The following SAMSN1 variants were observed in gnomAD, a reference collection of about 807,000 sequenced individuals.
SAMSN1 encodes SAM domain-containing protein SAMSN-1.
In SAMSN1, 31 loss-of-function variants were observed where a neutral mutation model predicts 42.0. That is an observed-to-expected ratio of 0.74 (90% CI 0.55 to 1.00). The LOEUF is 1.00. SAMSN1 is among the 50% of genes least tolerant of loss of function. The pLI, the probability that SAMSN1 is intolerant of heterozygous loss-of-function variation, is 0.00. For synonymous variants in SAMSN1, 178 were observed against 151.9 expected (o/e 1.17, Z -1.26); for missense variants, 464 against 439.4 (o/e 1.06, Z -0.50).
chr21:14,485,743 T>C lies in SAMSN1; in HGVS notation c.*169A>G, dbSNP rs753423170. ...AAATATATATTTTATTGACAGTAAT[T>C]TGGAATGTTAGAGATACAAAATTTT... On this transcript the variant is annotated 3_prime_UTR_variant, in exon 8 of 8. Transcript: ENST00000400566. 1.1e-5 allele frequency: 6 copies of C among 536,036 alleles called. No individual in the cohort carries two copies. Among genetic ancestry groups the C allele is most frequent in the Non-Finnish European group, 1.6e-5 (5 of 303,872 alleles). The allele number at this position is 536,036 out of a possible 1,614,324, so 33.2% of individuals were successfully genotyped here. A position where few individuals can be genotyped will look rare whatever the true frequency, so the allele number is the denominator to read the frequency against.
chr21:14,487,527 C>A (rs1807857358), intron 7 of SAMSN1, among the ~76,000 whole-genome samples: 1 of 151,970 alleles, frequency 6.6e-6, no homozygotes, highest in African/African-American at 2.4e-5. Context: ...TAGAATGGTA[C>A]TAGTTAAGCA....
rs373496389 is a variant in SAMSN1, at chr21:14,512,519, C to T, written c.334G>A (p.Gly112Arg). Residue 112 changes from glycine to arginine, a missense_variant, in exon 4 of 8, where the codon GGG (glycine) becomes AGG (arginine). By Grantham distance (125) the Gly-to-Arg change is moderately radical (BLOSUM62 -2). Transcript: ENST00000400566. ...AGGGACACCTTCTCTGTGTGGGTCC[C>T]AATCACAGGGTCACTGTTTCTATAT... ...HPYRNSDPVIGTHTEKVSLKA... is the reference protein window; with the variant it reads ...HPYRNSDPVIRTHTEKVSLKA... 12 of 1,613,806 alleles carry T rather than the reference C, an allele frequency of 7.4e-6. No individual in the cohort carries two copies. The highest frequency in any genetic ancestry group is 8.5e-6 in the Non-Finnish European group (10 of 1,179,832).
intron 2 of SAMSN1, among the ~76,000 whole-genome samples, chr21:14,629,723 T>G (rs1350655197): frequency 6.6e-6 from 1 of 152,158 alleles, no homozygotes; most frequent in Non-Finnish European, 1.5e-5. Context: ...TTGCACGAAC[T>G]TTGCCATTTG....
At position 14,577,236 on chromosome 21, in the gene SAMSN1, G is replaced by GTATA. The variant is rs1472311400; in HGVS notation, c.261+4899_261+4900insTATA. ...ATGGTGGGCTAATTTATATATATGT[G>GTATA]TGTATATATATATATATATATATAT... On this transcript the variant is annotated intron_variant, in intron 2 of 8. Transcript: ENST00000285670. Among the ~76,000 whole-genome samples, 221 of 30,842 alleles carry GTATA rather than the reference G, an allele frequency of 7.2e-3. 11 individuals carry two copies. Among genetic ancestry groups the GTATA allele is most frequent in the East Asian group, 0.029 (23 of 782 alleles). The allele number at this position is 30,842 out of a possible 152,430, so 20.2% of individuals were successfully genotyped here. A position where few individuals can be genotyped will look rare whatever the true frequency, so the allele number is the denominator to read the frequency against.
intron 2 of SAMSN1, among the ~76,000 whole-genome samples, chr21:14,635,224 A>C (rs1259016992): frequency 6.6e-6 from 1 of 152,180 alleles, no homozygotes; most frequent in Non-Finnish European, 1.5e-5. Flanking sequence ...ACAAACACCT[A>C]ATGTATGCGG....
intron 2 of SAMSN1, among the ~76,000 whole-genome samples, chr21:14,563,938 G>A (rs1281228626): frequency 6.6e-6 from 1 of 152,112 alleles, no homozygotes; most frequent in African/African-American, 2.4e-5. Context: ...TAGCAAAAGT[G>A]AACCAAAAAT....
At chr21:14,530,781 G>A (rs1177440299) in intron 1 of SAMSN1, among the ~76,000 whole-genome samples, 1 of 152,088 alleles carries the variant, frequency 6.6e-6, no homozygotes, top group Non-Finnish European at 1.5e-5. Context: ...GAAGAAGAGA[G>A]GAACTGCATT....
At chr21:14,528,633 C>G (rs551111112) in intron 1 of SAMSN1, among the ~76,000 whole-genome samples, 2 of 152,282 alleles carry the variant, frequency 1.3e-5, no homozygotes, top group South Asian at 4.1e-4. Flanking sequence ...TGCACATTCT[C>G]CCAGCCTGTA....
intron 1 of SAMSN1, among the ~76,000 whole-genome samples, chr21:14,658,439 A>G (rs948415660): frequency 3.3e-5 from 5 of 151,962 alleles, no homozygotes; most frequent in Non-Finnish European, 5.9e-5. Flanking sequence ...ATTTTGTCTC[A>G]TAACAAATAG....
At chr21:14,591,862 C>A (rs148478622) in intron 7 of SAMSN1, 2 of 152,146 alleles carry the variant, frequency 1.3e-5, no homozygotes, top group African/African-American at 4.8e-5. Flanking sequence ...TTTGGAATAA[C>A]ATGCCCTCTG....
intron 7 of SAMSN1, among the ~76,000 whole-genome samples, chr21:14,488,067 C>T (rs1986516602): frequency 6.6e-6 from 1 of 151,936 alleles, no homozygotes; most frequent in African/African-American, 2.4e-5. Flanking sequence ...TCTATCCTGC[C>T]TTGGCTTTTC....
chr21:14,506,270 A>C (rs1233538228), intron 5 of SAMSN1, among the ~76,000 whole-genome samples: 2 of 152,216 alleles, frequency 1.3e-5, no homozygotes, highest in Non-Finnish European at 2.9e-5. Context: ...TGAAAGATAA[A>C]TGAAACAAAA....
chr21:14,534,664 C>T (rs563546134), intron 1 of SAMSN1, among the ~76,000 whole-genome samples: 5 of 151,992 alleles, frequency 3.3e-5, no homozygotes, highest in Admixed American at 2.0e-4. Context: ...TACAGGTGCC[C>T]GCCACCAGAA....
At chr21:14,645,010 G>A (rs927769508) in intron 1 of SAMSN1, among the ~76,000 whole-genome samples, 9 of 152,140 alleles carry the variant, frequency 5.9e-5, no homozygotes, top group African/African-American at 2.2e-4. Flanking sequence ...ATAACACCAG[G>A]TAGACTTCTA....
intron 2 of SAMSN1, among the ~76,000 whole-genome samples, chr21:14,563,865 G>A (rs1226830756): frequency 1.3e-5 from 2 of 152,196 alleles, no homozygotes; most frequent in Admixed American, 6.6e-5. Flanking sequence ...GTCAGCATAA[G>A]TAGTGGTAGA....
At chr21:14,519,152 C>G in intron 2 of SAMSN1, among the ~76,000 whole-genome samples, 1 of 151,982 alleles carries the variant, frequency 6.6e-6, no homozygotes, top group East Asian at 1.9e-4. Context: ...TTTGTCTTCC[C>G]CTATAGACTC....
intron 1 of SAMSN1, among the ~76,000 whole-genome samples, chr21:14,542,849 T>G (rs962888761): frequency 2.6e-5 from 4 of 152,060 alleles, no homozygotes; most frequent in Non-Finnish European, 4.4e-5. Flanking sequence ...GAGGCTGAGA[T>G]GGGAGGTAGC....
At chr21:14,626,785 C>T in intron 2 of SAMSN1, among the ~76,000 whole-genome samples, 1 of 152,028 alleles carries the variant, frequency 6.6e-6, no homozygotes, top group Admixed American at 6.5e-5. Context: ...GGGTATATAC[C>T]CAAAGGATTA....
At chr21:14,612,879 A>G (rs1425235231) in exon 4 of SAMSN1, 1 of 707,782 alleles carries the variant, frequency 1.4e-6, no homozygotes. Context: ...CACTAACCAA[A>G]TATTTTATTT....
Sources: gnomAD v4.1 joint callset for allele counts (sites outside exome capture counted in the v4.1 genomes callset) on GRCh38, gnomAD v4.1.1 for gene constraint, MANE v1.5 for transcripts, NCBI Gene and HGNC (gene_info 2026-07-23, HGNC 2026-07-21) for gene names.